DPP10: variants seen among roughly 807,000 people sequenced by gnomAD.
The protein encoded by DPP10 is dipeptidyl peptidase like 10, also known as inactive dipeptidyl peptidase 10.
In DPP10, 33 loss-of-function variants were observed where a neutral mutation model predicts 120.9. That is an observed-to-expected ratio of 0.27 (90% CI 0.21 to 0.37). The LOEUF (loss-of-function observed/expected upper bound fraction) is 0.37. DPP10 is among the 10% of genes least tolerant of loss of function. The probability of loss-of-function intolerance (pLI) is 1.00; values close to 1 mark genes in which losing one functional copy is unlikely to be tolerated. For missense variants in DPP10, 816 were observed against 942.8 expected (o/e 0.87, Z 1.76); for synonymous variants, 337 against 326.1 (o/e 1.03, Z -0.36).
At chr2:114,935,599 G>A (rs996957445) in intron 1 of DPP10, among the ~76,000 whole-genome samples, 2 of 152,120 alleles carry the variant, frequency 1.3e-5, no homozygotes, top group African/African-American at 4.8e-5. Context: ...GTGCAATTTG[G>A]TGGCTGCCTT....
intron 1 of DPP10, among the ~76,000 whole-genome samples, chr2:115,042,232 A>G (rs1704707538): frequency 6.6e-6 from 1 of 152,112 alleles, no homozygotes; most frequent in South Asian, 2.1e-4. Context: ...TATCTGCCAT[A>G]GAGTTGGTCC....
intron 5 of DPP10, among the ~76,000 whole-genome samples, chr2:115,656,473 C>CT (rs1427634835): frequency 2.6e-5 from 4 of 151,562 alleles, no homozygotes; most frequent in Non-Finnish European, 5.9e-5. Flanking sequence ...ACAAACCTCT[C>CT]TTCCCCCTTT....
rs369326960 is a variant in DPP10, at chr2:114,823,497, G to T, written c.60+380659G>T. 4.6e-5 allele frequency among the ~76,000 whole-genome samples: 7 copies of T among 152,230 alleles called. No individual in the cohort carries two copies. In the East Asian group the frequency reaches 1.2e-3, roughly 25 times the overall value. On this transcript the variant is annotated intron_variant, in intron 1 of 25. Transcript: ENST00000410059. The stretch of plus-strand genomic sequence containing the variant: ...ACATTGAGCTTTCAAGCATTTATTA[G>T]TACTTATGATGCCCTGTAACCTTCT...
At chr2:114,564,000 G>A (rs1354527132) in intron 1 of DPP10, among the ~76,000 whole-genome samples, 1 of 152,214 alleles carries the variant, frequency 6.6e-6, no homozygotes. Context: ...AGGAGAATGG[G>A]TGTGAAGTAT....
chr2:115,745,569 C>T lies in DPP10; in HGVS notation c.853-517C>T, dbSNP rs904546300. On this transcript the variant is annotated intron_variant, in intron 9 of 25. Transcript: ENST00000410059. Reference sequence around the variant, plus strand: ...ATTAGTAATGTTTAAAAGGAAAGCCCGGGAGATTAATGCGATAGCATACAT... The same window carrying T: ...ATTAGTAATGTTTAAAAGGAAAGCCTGGGAGATTAATGCGATAGCATACAT... Among the ~76,000 whole-genome samples, 12 of 150,476 alleles carry T rather than the reference C, an allele frequency of 8.0e-5. 1 individual carries two copies. The highest frequency in any genetic ancestry group is 1.5e-4 in the Non-Finnish European group (10 of 67,842).
chr2:114,655,719 ATGG>A (rs1696919006), intron 1 of DPP10, among the ~76,000 whole-genome samples: 1 of 152,128 alleles, frequency 6.6e-6, no homozygotes, highest in African/African-American at 2.4e-5. Context: ...ATAATTAAAT[ATGG>A]TTGTGTGGTT....
intron 1 of DPP10, chr2:115,162,085 T>C: frequency 1.3e-6 from 2 of 1,490,492 alleles, no homozygotes; most frequent in Non-Finnish European, 1.8e-6. Flanking sequence ...CAGTGCGCGC[T>C]CCGCCCGCCT....
chr2:115,772,665 G>A (rs1681615920), intron 13 of DPP10, among the ~76,000 whole-genome samples: 1 of 152,088 alleles, frequency 6.6e-6, no homozygotes, highest in African/African-American at 2.4e-5. Context: ...GATCACTTCA[G>A]ATATTCGCCC....
At chr2:114,549,471 G>C (rs1370575874) in intron 1 of DPP10, among the ~76,000 whole-genome samples, 1 of 151,866 alleles carries the variant, frequency 6.6e-6, no homozygotes, top group Non-Finnish European at 1.5e-5. Context: ...GACCAGCCTG[G>C]CCAACATTGG....
intron 1 of DPP10, among the ~76,000 whole-genome samples, chr2:114,567,284 G>A (rs1207384844): frequency 1.3e-5 from 2 of 152,276 alleles, no homozygotes; most frequent in African/African-American, 4.8e-5. Context: ...TGAGTATGCT[G>A]TCTTACAAAT....
intron 7 of DPP10, among the ~76,000 whole-genome samples, chr2:115,690,849 G>C (rs1426127757): frequency 6.6e-6 from 1 of 152,212 alleles, no homozygotes; most frequent in African/African-American, 2.4e-5. Flanking sequence ...CTGATTTCTA[G>C]GTTATTTGTT....
At chr2:114,564,768 A>G (rs1689071361) in intron 1 of DPP10, among the ~76,000 whole-genome samples, 1 of 152,176 alleles carries the variant, frequency 6.6e-6, no homozygotes, top group East Asian at 1.9e-4. Context: ...AGGGAAGGAG[A>G]AAGAATATCT....
intron 5 of DPP10, among the ~76,000 whole-genome samples, chr2:115,593,086 A>G (rs2082771475): frequency 1.3e-5 from 2 of 152,342 alleles, no homozygotes; most frequent in South Asian, 4.1e-4. Context: ...AAATTGGTAT[A>G]TACAGAAAAG....
intron 1 of DPP10, among the ~76,000 whole-genome samples, chr2:114,726,262 A>G (rs1207251869): frequency 6.6e-6 from 1 of 151,508 alleles, no homozygotes; most frequent in Non-Finnish European, 1.5e-5. Context: ...AAGTTCTTCC[A>G]TAATTCAGTT....
chr2:114,662,731 C>T (rs1381203231), intron 1 of DPP10, among the ~76,000 whole-genome samples: 1 of 152,122 alleles, frequency 6.6e-6, no homozygotes, highest in Non-Finnish European at 1.5e-5. Context: ...CCGCATGGCG[C>T]TTTGGCTCCT....
intron 1 of DPP10, among the ~76,000 whole-genome samples, chr2:114,554,523 G>A (rs1688137092): frequency 1.3e-5 from 2 of 152,146 alleles, no homozygotes; most frequent in African/African-American, 4.8e-5. Context: ...GTCCGCGTGG[G>A]AGGAGAAGGT....
chr2:115,380,628 A>T (rs1449279693), intron 3 of DPP10, among the ~76,000 whole-genome samples: 76 of 150,704 alleles, frequency 5.0e-4, no homozygotes, highest in Admixed American at 5.0e-3. Context: ...TCGTTAGTTG[A>T]TGCAGTTTCT....
intron 3 of DPP10, among the ~76,000 whole-genome samples, chr2:115,412,949 G>A (rs919999424): frequency 6.6e-6 from 1 of 152,078 alleles, no homozygotes; most frequent in Non-Finnish European, 1.5e-5. Flanking sequence ...TTGTTTATTT[G>A]TGTTTATATA....
chr2:115,060,264 G>A (rs1270987233), intron 1 of DPP10, among the ~76,000 whole-genome samples: 1 of 150,888 alleles, frequency 6.6e-6, no homozygotes, highest in Non-Finnish European at 1.5e-5. Context: ...ATATATGCAT[G>A]TGATAGAACG....
Sources: gnomAD v4.1 joint callset for allele counts (sites outside exome capture counted in the v4.1 genomes callset) on GRCh38, gnomAD v4.1.1 for gene constraint, MANE v1.5 for transcripts, NCBI Gene and HGNC (gene_info 2026-07-23, HGNC 2026-07-21) for gene names.